XXYLT1: variants seen among roughly 807,000 people sequenced by gnomAD.
XXYLT1 encodes xyloside xylosyltransferase 1.
In XXYLT1, 20 loss-of-function variants were observed where a neutral mutation model predicts 28.9. That is an observed-to-expected ratio of 0.69 (90% confidence interval 0.49 to 1.00). XXYLT1 has a LOEUF of 1.00. XXYLT1 is among the 50% of genes least tolerant of loss of function. XXYLT1 has a pLI of 0.00. For missense variants in XXYLT1, 542 were observed against 560.1 expected (o/e 0.97, Z 0.33); for synonymous variants, 257 against 253.8 (o/e 1.01, Z -0.12).
At chr3:195,190,476 G>A (rs59328445) in intron 2 of XXYLT1, among the ~76,000 whole-genome samples, 35 of 119,804 alleles carry the variant, frequency 2.9e-4, no homozygotes, top group African/African-American at 7.7e-4. Flanking sequence ...CCTGGGTGGC[G>A]AAGTGAGACT....
At chr3:195,110,915 G>GA (rs1717673041) in intron 3 of XXYLT1, among the ~76,000 whole-genome samples, 1 of 15,228 alleles carries the variant, frequency 6.6e-5, no homozygotes, top group African/African-American at 2.1e-4. Context: ...TGTGTGGTGT[G>GA]TGTGTGTGGT....
intron 1 of XXYLT1, among the ~76,000 whole-genome samples, chr3:195,239,539 G>T (rs932399256): frequency 6.6e-6 from 1 of 152,206 alleles, no homozygotes; most frequent in African/African-American, 2.4e-5. Context: ...AATAGTTAAT[G>T]CCAACCTGGA....
rs1717974325 is a variant in XXYLT1 at position 195,115,078 on chromosome 3, TGA to T, written c.785+41369_785+41370del. On this transcript the variant is annotated intron_variant, in intron 3 of 3. Transcript: ENST00000310380. This position sits in a 1 kb window ranked among gnomAD's most constrained non-coding sequence, Gnocchi z 4.2. Reference sequence around the variant, plus strand: ...AACCTCCCGTTGATCCTCCTCCTATTGAGAGGTTGGAACGAGGGAAACTAAGC... The same window carrying T: ...AACCTCCCGTTGATCCTCCTCCTATTGAGGTTGGAACGAGGGAAACTAAGC... Among the ~76,000 whole-genome samples the T allele has an allele frequency of 1.3e-5, 2 of 152,142 alleles. No individual in the cohort carries two copies. Among genetic ancestry groups the T allele is most frequent in the African/African-American group, 4.8e-5 (2 of 41,432 alleles).
chr3:195,122,293 C>G (rs533463124), intron 3 of XXYLT1: 110 of 645,414 alleles, frequency 1.7e-4, no homozygotes, highest in African/African-American at 1.4e-3. Flanking sequence ...TTATTCAGTC[C>G]ATTGCACCCC....
intron 2 of XXYLT1, among the ~76,000 whole-genome samples, chr3:195,185,131 AAGGAAGGAAGG>A (rs1722135790): frequency 6.7e-6 from 1 of 149,922 alleles, no homozygotes; most frequent in African/African-American, 2.5e-5. Context: ...GGAAGGAAGG[AAGGAAGGAAGG>A]AAGGAAGGAA....
At chr3:195,229,539 C>T (rs975182583) in intron 1 of XXYLT1, among the ~76,000 whole-genome samples, 3 of 152,226 alleles carry the variant, frequency 2.0e-5, no homozygotes, top group African/African-American at 7.2e-5. Flanking sequence ...CCCCAACTCA[C>T]TCCACTACTT....
intron 2 of XXYLT1, among the ~76,000 whole-genome samples, chr3:195,197,678 A>T (rs1722683728): frequency 6.6e-6 from 1 of 152,232 alleles, no homozygotes; most frequent in Non-Finnish European, 1.5e-5. Context: ...ACAACTATAT[A>T]TCCCGTCCGC....
At chr3:195,122,035 G>C (rs1406825909) in intron 3 of XXYLT1, 2 of 703,046 alleles carry the variant, frequency 2.8e-6, no homozygotes, top group South Asian at 3.0e-5. Flanking sequence ...CAGTTCTAGA[G>C]GCTGGGAAGT....
chr3:195,156,539 T>C lies in XXYLT1; in HGVS notation c.695A>G (p.Lys232Arg). ...IIQLDLDLKF[K>R]TNIRELFEEF... The stretch of plus-strand genomic sequence containing the variant: ...CTCAAACAACTCCCGGATGTTGGTC[T>C]TAAACTTCAGGTCTAGGTCCAGCTG... The change falls in exon 3 of 4, where the codon AAG (lysine) becomes AGG (arginine). Residue 232 changes from lysine (K) to arginine (R), a missense_variant. Lys to Arg is a conservative substitution (Grantham distance 26, BLOSUM62 2). Transcript: ENST00000310380. 6.2e-7 allele frequency: 1 copy of C among 1,614,226 alleles called. No homozygotes were observed. The highest frequency in any genetic ancestry group is 8.5e-7 in the Non-Finnish European group (1 of 1,180,042).
At chr3:195,119,660 G>A (rs916561081) in intron 3 of XXYLT1, among the ~76,000 whole-genome samples, 2 of 108,160 alleles carry the variant, frequency 1.8e-5, no homozygotes, top group Admixed American at 1.9e-4. Context: ...GATGCCCCCA[G>A]ATGAGAGGAG....
At chr3:195,099,119 T>C (rs1231848234) in intron 3 of XXYLT1, among the ~76,000 whole-genome samples, 1 of 152,078 alleles carries the variant, frequency 6.6e-6, no homozygotes, top group Non-Finnish European at 1.5e-5. Context: ...ACCGAGGACA[T>C]GGCAGACAGA....
chr3:195,202,103 G>A (rs1722880800), intron 2 of XXYLT1, among the ~76,000 whole-genome samples: 1 of 152,144 alleles, frequency 6.6e-6, no homozygotes, highest in Non-Finnish European at 1.5e-5. Context: ...CTTGAACCTG[G>A]GAGGTGGAGG....
At position 195,089,376 on chromosome 3, in the gene XXYLT1, A is replaced by G. The variant is rs1430114242; in HGVS notation, c.786-19265T>C. 8.5e-5 allele frequency among the ~76,000 whole-genome samples: 13 copies of G among 152,282 alleles called. No individual in the cohort carries two copies. The East Asian group carries it at 2.5e-3, about 29-fold the overall frequency. ...AAGAGAGTGGGGGCCAATATTCAAC[A>G]TTCTTAAAGAAAAGGATTTTCAACG... On this transcript the variant is annotated intron_variant, in intron 3 of 3. Coordinates refer to ENST00000310380, the MANE Select transcript of XXYLT1 (RefSeq NM_152531.5).
intron 3 of XXYLT1, among the ~76,000 whole-genome samples, chr3:195,110,337 A>ATGTGCG (rs1717531707): frequency 1.4e-3 from 3 of 2,210 alleles, no homozygotes; most frequent in Non-Finnish European, 1.7e-3. Flanking sequence ...AGGTGTGTGT[A>ATGTGCG]TGTGTGTGGT....
chr3:195,184,197 G>A (rs1259243113), intron 2 of XXYLT1, among the ~76,000 whole-genome samples: 1 of 152,110 alleles, frequency 6.6e-6, no homozygotes, highest in Non-Finnish European at 1.5e-5. Context: ...GCCCTGTGTC[G>A]GTCCTTTTAT....
intron 3 of XXYLT1, among the ~76,000 whole-genome samples, chr3:195,085,350 G>A (rs1005879866): frequency 5.9e-5 from 9 of 152,142 alleles, no homozygotes; most frequent in East Asian, 3.9e-4. Context: ...TGGCCCTGCC[G>A]CTCCGGCTCC....
rs1257318124 is a variant in XXYLT1 at position 195,088,035 on chromosome 3, A to AC, written c.786-17925dup. On this transcript the variant is annotated intron_variant, in intron 3 of 3. Coordinates refer to ENST00000310380, the MANE Select transcript of XXYLT1 (RefSeq NM_152531.5). ...TCCCGCACCTGGCTCGGAGGGTCCT[A>AC]CCCCACGGAGTCTCGCTGATTGCCA... 2.6e-5 allele frequency among the ~76,000 whole-genome samples: 4 copies of AC among 151,658 alleles called. 1 individual carries two copies. The highest frequency in any genetic ancestry group is 9.7e-5 in the African/African-American group (4 of 41,058).
chr3:195,089,044 G>A (rs1409998913), intron 3 of XXYLT1, among the ~76,000 whole-genome samples: 23 of 152,008 alleles, frequency 1.5e-4, no homozygotes, highest in Non-Finnish European at 3.1e-4. Flanking sequence ...CCAAATCTAC[G>A]TCTGATTGGT....
intron 1 of XXYLT1, among the ~76,000 whole-genome samples, chr3:195,235,455 A>G (rs981201772): frequency 6.6e-6 from 1 of 152,210 alleles, no homozygotes; most frequent in African/African-American, 2.4e-5. Flanking sequence ...TCCTCAAAAC[A>G]GCTATTTTCA....
Sources: allele counts gnomAD v4.1 joint callset (sites outside exome capture counted in the v4.1 genomes callset), GRCh38; gene constraint gnomAD v4.1.1; non-coding constraint Gnocchi (gnomAD v3.1); transcripts MANE v1.5; gene names NCBI Gene and HGNC (gene_info 2026-07-23, HGNC 2026-07-21).